The following CLCA4 variants were observed in gnomAD, a reference collection of about 807,000 sequenced individuals.
CLCA4 encodes the protein chloride channel accessory 4.
Under a neutral mutation model 78.9 loss-of-function variants are expected in CLCA4, and 69 were observed. That is an observed-to-expected ratio of 0.87 (90% CI 0.72 to 1.07). CLCA4 has a LOEUF of 1.07. Ranked by LOEUF, CLCA4 falls within the 50% of genes least tolerant of loss-of-function variation. The pLI is 0.00. For synonymous variants in CLCA4, 362 were observed against 375.8 expected, an observed-to-expected ratio of 0.96 and a Z score of 0.42; for missense variants, 1,133 against 1,095.8, an observed-to-expected ratio of 1.03 and a Z score of -0.48.
At position 86,560,231 on chromosome 1, in the gene CLCA4, A is replaced by G; in HGVS notation, c.321A>G (p.Pro107=). The change falls in exon 3 of 14, where the codon CCA becomes CCG. Residue 107 remains proline (P), a synonymous_variant. Transcript: ENST00000370563. ...CTCAGGCTGATGTTATAGTTGCACC[A>G]CCTACACTCCCAGGTAGAGATGAAC... ...NHKHADVIVA[P]PTLPGRDEPY... is the part of the protein sequence containing the mutation. 6.2e-7 allele frequency: 1 copy of G among 1,612,044 alleles called. No homozygotes were observed. The highest frequency in any genetic ancestry group is 8.5e-7 in the Non-Finnish European group (1 of 1,179,482).
chr1:86,566,828 G>C (rs1006035910), intron 6 of CLCA4, among the ~76,000 whole-genome samples: 25 of 151,992 alleles, frequency 1.6e-4, no homozygotes, highest in African/African-American at 5.8e-4. Context: ...AAGAGGGCTG[G>C]GTCCTGAGGG....
Position 86,560,252 on chromosome 1 carries a change from T to A in CLCA4, c.342T>A (p.Asp114Glu). The A allele has an allele frequency of 6.2e-7, 1 of 1,613,972 alleles. No homozygotes were observed. Among genetic ancestry groups the A allele is most frequent in the Non-Finnish European group, 8.5e-7 (1 of 1,179,898 alleles). The change falls in exon 3 of 14, where the codon GAT becomes GAA. Residue 114 changes from aspartate (D) to glutamate (E), a missense_variant. By Grantham distance (45) the Asp-to-Glu change is conservative. Coordinates refer to ENST00000370563, the MANE Select transcript of CLCA4 (RefSeq NM_012128.4). Reference protein sequence around the residue: ...IVAPPTLPGRDEPYTKQFTEC... With the variant: ...IVAPPTLPGREEPYTKQFTEC... The stretch of plus-strand genomic sequence containing the variant: ...CACCACCTACACTCCCAGGTAGAGA[T>A]GAACCATACACCAAGCAGTTCACAG...
intron 7 of CLCA4, 63 bp from the exon 8 acceptor site, chr1:86,571,014 T>C (rs1650334190): frequency 1.6e-6 from 2 of 1,236,760 alleles, no homozygotes; most frequent in Non-Finnish European, 2.2e-6. Flanking sequence ...TTTTCTCATT[T>C]CCCATTTGTC....
At chr1:86,570,423 A>G (rs1650316603) in intron 7 of CLCA4, among the ~76,000 whole-genome samples, 1 of 152,086 alleles carries the variant, frequency 6.6e-6, no homozygotes, top group South Asian at 2.1e-4. Context: ...TTTGGCATTT[A>G]GGAAAAGGAT....
At chr1:86,553,750 C>A (rs1037746299) in intron 1 of CLCA4, among the ~76,000 whole-genome samples, 6 of 152,160 alleles carry the variant, frequency 3.9e-5, no homozygotes, top group African/African-American at 1.4e-4. Flanking sequence ...GCCTGGCCAA[C>A]ATTGCGAAAC....
chr1:86,552,728 G>C, intron 1 of CLCA4: 3 of 1,423,362 alleles, frequency 2.1e-6, no homozygotes, highest in Non-Finnish European at 3.0e-6. Context: ...CCCTTCACAG[G>C]GGCCCGGCCC....
chr1:86,565,272 A>T lies in CLCA4; in HGVS notation c.558-2A>T. On this transcript the variant is annotated splice_acceptor_variant, in intron 4 of 13. Transcript: ENST00000370563. LOFTEE classifies it high-confidence loss of function. ...CAAAGATTAACTGTCATATATTTTC[A>T]GGTGTTCCGCAGGTATCTCTGGTAG... The T allele has an allele frequency of 6.3e-7, 1 of 1,579,900 alleles. No homozygotes were observed. The highest frequency in any genetic ancestry group is 8.6e-7 in the Non-Finnish European group (1 of 1,165,460).
chr1:86,559,924 A>T lies in CLCA4; in HGVS notation c.160-8A>T. 1 of 1,581,932 alleles carries T rather than the reference A, an allele frequency of 6.3e-7. No homozygotes were observed. The highest frequency in any genetic ancestry group is 2.0e-5 in the Admixed American group (1 of 50,094). On this transcript the variant is annotated splice_polypyrimidine_tract_variant and splice_region_variant and intron_variant, in intron 1 of 13. Coordinates refer to ENST00000370563, the MANE Select transcript of CLCA4 (RefSeq NM_012128.4). ...ACCATCCTCACATATTTTTTCCTTTAATGACAGGATATGGTGACTACAGCT... is the reference window on the plus strand; with the variant it reads ...ACCATCCTCACATATTTTTTCCTTTTATGACAGGATATGGTGACTACAGCT...
At chr1:86,566,866 A>G (rs1351551345) in intron 6 of CLCA4, among the ~76,000 whole-genome samples, 3 of 152,060 alleles carry the variant, frequency 2.0e-5, no homozygotes, top group Admixed American at 6.6e-5. Context: ...CAATTAACCC[A>G]TTAGTGGAAA....
At chr1:86,569,873 C>G (rs1176996392) in intron 7 of CLCA4, among the ~76,000 whole-genome samples, 2 of 151,866 alleles carry the variant, frequency 1.3e-5, no homozygotes. Flanking sequence ...GTGACTGGCA[C>G]ATTGTAAATG....
At chr1:86,559,118 A>G (rs1168901248) in intron 1 of CLCA4, among the ~76,000 whole-genome samples, 1 of 152,070 alleles carries the variant, frequency 6.6e-6, no homozygotes, top group Non-Finnish European at 1.5e-5. Context: ...GGAAGTTTTC[A>G]TAGATGATAT....
rs1270508506 is a variant in CLCA4 at position 86,570,774 on chromosome 1, A to G, written c.1183-303A>G. On this transcript the variant is annotated intron_variant, in intron 7 of 13. Transcript: ENST00000370563. ...CACATACTGTGATTATACCTTTGGT[A>G]TCTGGTTGACCTGAGTTTCCCAGGT... Among the ~76,000 whole-genome samples, 3 of 152,106 alleles carry G rather than the reference A, an allele frequency of 2.0e-5. No individual in the cohort carries two copies. In the East Asian group the frequency reaches 5.8e-4, roughly 29 times the overall value.
In CLCA4 at chr1:86,567,604, C is replaced by G; in HGVS notation, c.1135C>G (p.Pro379Ala). Residue 379 changes from proline to alanine, a missense_variant, in exon 7 of 14, where the codon CCT (proline) becomes GCT (alanine). Transcript: ENST00000370563. The part of the protein sequence containing the change: ...NTLMAGLPTY[P>A]LGGTSICSGI... ...ACTCATGGCAGGATTACCTACATAT[C>G]CTCTGGGAGGAACTTCCATCTGCTC... 1 of 1,612,924 alleles carries G rather than the reference C, an allele frequency of 6.2e-7. No homozygotes were observed. Among genetic ancestry groups the G allele is most frequent in the Non-Finnish European group, 8.5e-7 (1 of 1,179,244 alleles).
chr1:86,575,626 C>A (rs1469616389), intron 11 of CLCA4, 27 bp downstream of exon 11: 3 of 1,596,506 alleles, frequency 1.9e-6, no homozygotes, highest in South Asian at 2.3e-5. Context: ...TATGAATAAG[C>A]CAATATTTTC....
At chr1:86,555,841 T>G (rs968131062) in intron 1 of CLCA4, among the ~76,000 whole-genome samples, 2 of 152,190 alleles carry the variant, frequency 1.3e-5, no homozygotes, top group African/African-American at 4.8e-5. Context: ...CATGGGATGT[T>G]TTCCATTAGT....
At chr1:86,570,143 G>T (rs1036378828) in intron 7 of CLCA4, among the ~76,000 whole-genome samples, 4 of 151,876 alleles carry the variant, frequency 2.6e-5, no homozygotes, top group African/African-American at 9.7e-5. Flanking sequence ...TGGTCAATTT[G>T]TTCCCTGATA....
chr1:86,567,130 C>T (rs1327807467), intron 6 of CLCA4, among the ~76,000 whole-genome samples: 1 of 151,834 alleles, frequency 6.6e-6, no homozygotes, highest in African/African-American at 2.4e-5. Context: ...GATGTGTCTC[C>T]TCACCCCAAT....
Position 86,565,369 on chromosome 1 carries a change from T to C in CLCA4, c.653T>C (p.Leu218Pro). 1 of 1,609,078 alleles carries C rather than the reference T, an allele frequency of 6.2e-7. No homozygotes were observed. Among genetic ancestry groups the C allele is most frequent in the Non-Finnish European group, 8.5e-7 (1 of 1,176,190 alleles). ...TGCAGAATTGATTCTACAACAAAACTGTATGGAAAAGATTGTCAATTCTTT... is the reference window on the plus strand; with the variant it reads ...TGCAGAATTGATTCTACAACAAAACCGTATGGAAAAGATTGTCAATTCTTT... ...RACRIDSTTK[L>P]YGKDCQFFPD... The change falls in exon 5 of 14, where the codon CTG (leucine) becomes CCG (proline). Residue 218 changes from leucine (L) to proline (P), a missense_variant. Leu to Pro is a moderately conservative substitution (Grantham distance 98). Coordinates refer to ENST00000370563, the MANE Select transcript of CLCA4 (RefSeq NM_012128.4).
chr1:86,568,483 T>C (rs905203524), intron 7 of CLCA4, among the ~76,000 whole-genome samples: 1 of 151,556 alleles, frequency 6.6e-6, no homozygotes. Context: ...ACAATTAATA[T>C]AAATTATGTC....
Sources: gnomAD v4.1 joint callset for allele counts (sites outside exome capture counted in the v4.1 genomes callset) on GRCh38, gnomAD v4.1.1 for gene constraint, MANE v1.5 for transcripts, NCBI Gene and HGNC (gene_info 2026-07-23, HGNC 2026-07-21) for gene names.